LRP1B: variants seen among roughly 807,000 people sequenced by gnomAD.
The protein encoded by LRP1B is LDL receptor related protein 1B, also known as low-density lipoprotein receptor-related protein 1B.
In LRP1B, 217 loss-of-function variants were observed where a neutral mutation model predicts 556.6. The ratio of observed to expected loss-of-function variants is 0.39; its 90% CI spans 0.35 to 0.44. The LOEUF (loss-of-function observed/expected upper bound fraction) is 0.44, where lower values mean the gene tolerates loss of function less well. Among genes scored for constraint, LRP1B ranks in the 20% least tolerant of loss-of-function variants. The pLI is 1.00. For synonymous variants in LRP1B, 2,047 were observed against 1,865.8 expected (o/e 1.10, Z -2.50); for missense variants, 5,053 against 5,620.8 (o/e 0.90, Z 3.23).
chr2:140,724,894 T>C (rs1254303199), intron 35 of LRP1B, among the ~76,000 whole-genome samples: 1 of 152,214 alleles, frequency 6.6e-6, no homozygotes, highest in Non-Finnish European at 1.5e-5. Context: ...CCTGATGATC[T>C]GGTTGCACAT....
intron 51 of LRP1B, among the ~76,000 whole-genome samples, chr2:140,511,427 G>A (rs1258736527): frequency 6.7e-6 from 1 of 150,028 alleles, no homozygotes; most frequent in Non-Finnish European, 1.5e-5. Flanking sequence ...TCAGCCTCCG[G>A]AGTAGCTGGG....
At chr2:141,053,873 G>T (rs1415400734) in intron 10 of LRP1B, among the ~76,000 whole-genome samples, 1 of 150,984 alleles carries the variant, frequency 6.6e-6, no homozygotes, top group East Asian at 2.0e-4. Context: ...GTGCCATCCA[G>T]ATCAATTTTT....
chr2:140,546,906 T>C (rs1333495288), intron 43 of LRP1B, among the ~76,000 whole-genome samples: 3 of 152,130 alleles, frequency 2.0e-5, no homozygotes, highest in African/African-American at 7.2e-5. Context: ...TCTATTGAGA[T>C]AATCATGTGT....
At chr2:140,628,190 A>G (rs543591) in intron 41 of LRP1B, among the ~76,000 whole-genome samples, 111,255 of 151,892 alleles carry the variant, frequency 0.73, 40,858 homozygotes, top group African/African-American at 0.76. Flanking sequence ...GAGACAGAGA[A>G]AGAGAACAGA....
At chr2:140,552,085 T>C (rs1680566151) in intron 43 of LRP1B, among the ~76,000 whole-genome samples, 1 of 152,144 alleles carries the variant, frequency 6.6e-6, no homozygotes, top group African/African-American at 2.4e-5. Flanking sequence ...TTTGACTTGG[T>C]GACAGGGACT....
chr2:141,191,126 A>G (rs1681484803), intron 6 of LRP1B, among the ~76,000 whole-genome samples: 1 of 151,922 alleles, frequency 6.6e-6, no homozygotes, highest in African/African-American at 2.4e-5. Context: ...TGTTCTCTCC[A>G]TAACTTTCTA....
At chr2:141,977,672 C>A (rs1701924697) in intron 1 of LRP1B, among the ~76,000 whole-genome samples, 2 of 152,142 alleles carry the variant, frequency 1.3e-5, no homozygotes. Flanking sequence ...ATTAGTTAAA[C>A]AATCACCATG....
intron 41 of LRP1B, among the ~76,000 whole-genome samples, chr2:140,628,974 C>A (rs1683778984): frequency 1.3e-5 from 2 of 152,098 alleles, no homozygotes; most frequent in Non-Finnish European, 2.9e-5. Context: ...GCCTCCCTAG[C>A]CATGCTTCCT....
chr2:141,477,379 T>C (rs562791251), intron 3 of LRP1B, among the ~76,000 whole-genome samples: 2 of 152,098 alleles, frequency 1.3e-5, no homozygotes, highest in African/African-American at 4.8e-5. Flanking sequence ...TTTCTGTCTA[T>C]AGTGGATAAG....
intron 1 of LRP1B, among the ~76,000 whole-genome samples, chr2:141,938,897 A>T (rs1308587354): frequency 6.6e-6 from 1 of 152,142 alleles, no homozygotes; most frequent in East Asian, 1.9e-4. Context: ...AGCCAGACCC[A>T]GATAGAAAAA....
At chr2:141,037,951 A>G (rs1372563980) in intron 11 of LRP1B, among the ~76,000 whole-genome samples, 1 of 151,772 alleles carries the variant, frequency 6.6e-6, no homozygotes, top group African/African-American at 2.4e-5. Flanking sequence ...CTATTTTAAA[A>G]GATCTACCAG....
At position 141,044,115 on chromosome 2, in the gene LRP1B, G is replaced by A. The variant is rs370464738; in HGVS notation, c.1789+4871C>T. ...GAACAGAGCCCTCAGAAATAACGCC[G>A]CATATCTACAGCTATCTGATCTTTG... On this transcript the variant is annotated intron_variant, in intron 11 of 90. Coordinates refer to ENST00000389484, the MANE Select transcript of LRP1B (RefSeq NM_018557.3). Among the ~76,000 whole-genome samples the A allele has an allele frequency of 3.4e-3, 516 of 151,700 alleles. 7 individuals carry two copies. Among genetic ancestry groups the A allele is most frequent in the South Asian group, 0.029 (138 of 4,786 alleles).
intron 41 of LRP1B, among the ~76,000 whole-genome samples, chr2:140,613,980 G>T (rs1358332074): frequency 6.6e-6 from 1 of 152,090 alleles, no homozygotes; most frequent in African/African-American, 2.4e-5. Context: ...ACAATCATCA[G>T]AAAAGATAGG....
rs139268779 is a variant in LRP1B at position 141,148,290 on chromosome 2, G to T, written c.1013+40131C>A. 1.8e-3 allele frequency among the ~76,000 whole-genome samples: 267 copies of T among 152,256 alleles called. 1 individual carries two copies. Among genetic ancestry groups the T allele is most frequent in the African/African-American group, 6.2e-3 (257 of 41,538 alleles). On this transcript the variant is annotated intron_variant, in intron 7 of 90. Coordinates refer to ENST00000389484, the MANE Select transcript of LRP1B (RefSeq NM_018557.3). ...ATACATGCTGATCTTTATGCCTGAG[G>T]TTCCTAAACTTGTCACCTTTAATAA...
At chr2:141,411,926 G>A (rs751095545) in intron 3 of LRP1B, among the ~76,000 whole-genome samples, 1 of 151,934 alleles carries the variant, frequency 6.6e-6, no homozygotes, top group Non-Finnish European at 1.5e-5. Context: ...ATTTGATTTT[G>A]AATCAGAATA....
chr2:141,944,925 G>T (rs1477884593), intron 1 of LRP1B, among the ~76,000 whole-genome samples: 1 of 152,042 alleles, frequency 6.6e-6, no homozygotes, highest in African/African-American at 2.4e-5. Flanking sequence ...AGTAAGCGTA[G>T]TTATCAACAA....
intron 3 of LRP1B, among the ~76,000 whole-genome samples, chr2:141,271,151 C>T (rs1487297938): frequency 6.6e-6 from 1 of 151,444 alleles, no homozygotes; most frequent in Non-Finnish European, 1.5e-5. Flanking sequence ...TACATTTTAA[C>T]TAACAGAAGG....
intron 1 of LRP1B, among the ~76,000 whole-genome samples, chr2:141,914,820 C>T (rs1558958305): frequency 6.6e-6 from 1 of 152,130 alleles, no homozygotes; most frequent in East Asian, 1.9e-4. Context: ...ACAAGAAGAA[C>T]TACAAAACAC....
intron 59 of LRP1B, among the ~76,000 whole-genome samples, chr2:140,480,456 C>T (rs1376594299): frequency 6.6e-6 from 1 of 152,004 alleles, no homozygotes; most frequent in Non-Finnish European, 1.5e-5. Context: ...GATTTCCTAA[C>T]AGACTTTTTT....
Sources: allele counts gnomAD v4.1 joint callset (sites outside exome capture counted in the v4.1 genomes callset), GRCh38; gene constraint gnomAD v4.1.1; transcripts MANE v1.5; gene names NCBI Gene and HGNC (gene_info 2026-07-23, HGNC 2026-07-21).